SDS: variants seen among roughly 807,000 people sequenced by gnomAD.
SDS encodes L-serine dehydratase/L-threonine deaminase.
Under a neutral mutation model 29.3 loss-of-function variants are expected in SDS, and 19 were observed. The observed-to-expected ratio is 0.65, with a 90% CI of 0.45 to 0.95. The LOEUF (loss-of-function observed/expected upper bound fraction) is 0.95. Among genes scored for constraint, SDS ranks in the 40% least tolerant of loss-of-function variants. SDS has a pLI of 0.00. For synonymous variants in SDS, 176 were observed against 189.0 expected (o/e 0.93, Z 0.56); for missense variants, 375 against 439.9 (o/e 0.85, Z 1.32).
At chr12:113,394,422 C>T (rs1957633072) in intron 6 of SDS, among the ~76,000 whole-genome samples, 1 of 150,470 alleles carries the variant, frequency 6.6e-6, no homozygotes, top group Non-Finnish European at 1.5e-5. Context: ...TCACTGCAAT[C>T]TCTGCCTCCC....
chr12:113,394,770 T>G (rs915700324), intron 6 of SDS, among the ~76,000 whole-genome samples: 3 of 152,056 alleles, frequency 2.0e-5, no homozygotes, highest in Admixed American at 6.5e-5. Flanking sequence ...ACTCCCTGCT[T>G]TTGCTCCGGG....
At chr12:113,401,122 A>G (rs1226277375) in intron 1 of SDS, among the ~76,000 whole-genome samples, 1 of 152,130 alleles carries the variant, frequency 6.6e-6, no homozygotes, top group Non-Finnish European at 1.5e-5. Context: ...TCAAACAAAC[A>G]AACAAACAAA....
At chr12:113,397,007 G>A in intron 6 of SDS, 158 bp downstream of exon 6, 1 of 664,238 alleles carries the variant, frequency 1.5e-6, no homozygotes. Context: ...TTGAGTCCAA[G>A]CTGTACCACT....
intron 6 of SDS, among the ~76,000 whole-genome samples, 170 bp from the exon 7 acceptor site, chr12:113,394,186 C>T (rs1424311601): frequency 2.0e-5 from 3 of 152,128 alleles, no homozygotes; most frequent in Non-Finnish European, 4.4e-5. Flanking sequence ...CCTCAGGGAT[C>T]CCCAAACCAA....
chr12:113,399,254 G>A (rs117611959), intron 2 of SDS, 103 bp from the exon 3 acceptor site: 13,524 of 1,250,682 alleles, frequency 0.011, 101 homozygotes, highest in Non-Finnish European at 0.012. Flanking sequence ...GGACACGGAC[G>A]TTTCCTTCAC....
In SDS at chr12:113,392,936, C is replaced by G; in HGVS notation, c.*5G>C. On this transcript the variant is annotated 3_prime_UTR_variant, in exon 8 of 8. Coordinates refer to ENST00000257549, the MANE Select transcript of SDS (RefSeq NM_006843.3). The stretch of plus-strand genomic sequence containing the variant: ...GGAGAGCACAGATCGGTAAGGGGTC[C>G]GTCCTCACTTGGGCAACCTATTTGT... 1 of 1,613,532 alleles carries G rather than the reference C, an allele frequency of 6.2e-7. No individual in the cohort carries two copies. Among genetic ancestry groups the G allele is most frequent in the African/African-American group, 1.3e-5 (1 of 75,036 alleles).
At chr12:113,399,411 A>G (rs548162113) in intron 2 of SDS, 145 bp downstream of exon 2, 1 of 1,041,304 alleles carries the variant, frequency 9.6e-7, no homozygotes, top group African/African-American at 1.6e-5. Context: ...AAACAGAGGA[A>G]GCCCTAATGG....
chr12:113,396,800 A>C (rs923673353), intron 6 of SDS: 10 of 278,326 alleles, frequency 3.6e-5, no homozygotes, highest in African/African-American at 2.1e-4. Flanking sequence ...TAATTTAAAA[A>C]AAAAACAAAA....
chr12:113,393,166 G>C lies in SDS; in HGVS notation c.779-17C>G. 6.2e-7 allele frequency: 1 copy of C among 1,611,954 alleles called. No individual in the cohort carries two copies. Among genetic ancestry groups the C allele is most frequent in the South Asian group, 1.1e-5 (1 of 91,006 alleles). ...TCTCATCATCTGCCAGAGAAGGGGCGTGACAGGGGCGTGGCCTGAGTTTCC... is the reference window on the plus strand; with the variant it reads ...TCTCATCATCTGCCAGAGAAGGGGCCTGACAGGGGCGTGGCCTGAGTTTCC... On this transcript the variant is annotated splice_polypyrimidine_tract_variant and intron_variant, in intron 7 of 7. Coordinates refer to ENST00000257549, the MANE Select transcript of SDS (RefSeq NM_006843.3).
Position 113,397,353 on chromosome 12 carries a change from T to A in SDS, c.465A>T (p.Thr155=). The change falls in exon 6 of 8, where the codon ACA becomes ACT. Residue 155 remains threonine, a synonymous_variant. Transcript: ENST00000257549. The stretch of plus-strand genomic sequence containing the variant: ...CGATGGCCCCCGGCTTTTCCCACAG[T>A]GTCTCCTTCAGCTCTTTCACGATGG... ...HASIVKELKE[T]LWEKPGAIAL... 6.2e-7 allele frequency: 1 copy of A among 1,613,254 alleles called. No individual in the cohort carries two copies. The highest frequency in any genetic ancestry group is 1.1e-5 in the South Asian group (1 of 91,040).
intron 6 of SDS, among the ~76,000 whole-genome samples, chr12:113,395,081 G>A (rs1003982097): frequency 2.0e-5 from 3 of 152,236 alleles, no homozygotes; most frequent in African/African-American, 7.2e-5. Flanking sequence ...CTGAGGCAGA[G>A]AGTGTACAGT....
rs1362311956 is a variant in SDS, at chr12:113,394,891, TC to T, written c.654-876del. ...TAAGGCCACCTCCTCCAAGGAGTCC[TC>T]CTGGGAGAGTACTGAGTCCCACGGC... On this transcript the variant is annotated intron_variant, in intron 6 of 7. Coordinates refer to ENST00000257549, the MANE Select transcript of SDS (RefSeq NM_006843.3). Among the ~76,000 whole-genome samples the T allele has an allele frequency of 2.6e-5, 4 of 152,178 alleles. No homozygotes were observed. In the South Asian group the frequency reaches 6.2e-4, roughly 24 times the overall value.
At chr12:113,394,104 G>C (rs940833693) in intron 6 of SDS, 88 bp from the exon 7 acceptor site, 81 of 1,330,924 alleles carry the variant, frequency 6.1e-5, no homozygotes, top group Non-Finnish European at 8.3e-5. Flanking sequence ...AGATGGATGT[G>C]AGACAGAGAA....
rs1405066766 is a variant in SDS at position 113,399,168 on chromosome 12, A to T, written c.154-17T>A. On this transcript the variant is annotated splice_polypyrimidine_tract_variant and intron_variant, in intron 2 of 7. Coordinates refer to ENST00000257549, the MANE Select transcript of SDS (RefSeq NM_006843.3). The stretch of plus-strand genomic sequence containing the variant: ...CTTGGCCCACTGTGGAGACAACAGG[A>T]GAGGCACTCAGGCCCACCTCCCAGT... The T allele has an allele frequency of 6.2e-7, 1 of 1,613,372 alleles. No individual in the cohort carries two copies. The highest frequency in any genetic ancestry group is 8.5e-7 in the Non-Finnish European group (1 of 1,179,720).
chr12:113,402,429 A>C (rs1957689547), intron 1 of SDS, among the ~76,000 whole-genome samples: 1 of 152,154 alleles, frequency 6.6e-6, no homozygotes, highest in African/African-American at 2.4e-5. Context: ...AGTAGCTGGG[A>C]TCACAGACGT....
chr12:113,403,732 C>T (rs1464718460), intron 1 of SDS, 36 bp downstream of exon 1: 1 of 152,330 alleles, frequency 6.6e-6, no homozygotes, highest in African/African-American at 2.4e-5. Context: ...CGGGACACTC[C>T]AGTCCTGAGG....
In SDS at chr12:113,392,829, G is replaced by T; in HGVS notation, c.*112C>A. 2.0e-6 allele frequency: 2 copies of T among 1,023,178 alleles called. No homozygotes were observed. Among genetic ancestry groups the T allele is most frequent in the Non-Finnish European group, 3.0e-6 (2 of 671,188 alleles). The allele number at this position is 1,023,178 out of a possible 1,614,324, so 63.4% of individuals were successfully genotyped here. ...GCTCCTGATAACAAGAAGTTAACCT[G>T]CACCCAGGCCACAGGTGCTCAGCCA... is the stretch of plus-strand genomic sequence containing the variant. On this transcript the variant is annotated 3_prime_UTR_variant, in exon 8 of 8. Coordinates refer to ENST00000257549, the MANE Select transcript of SDS (RefSeq NM_006843.3).
chr12:113,401,374 T>TATTC (rs200709963), intron 1 of SDS, among the ~76,000 whole-genome samples: 8,317 of 150,308 alleles, frequency 0.055, 374 homozygotes, highest in Admixed American at 0.15. Flanking sequence ...TTTTAAATTT[T>TATTC]ATTCATTCAT....
chr12:113,402,414 T>G (rs1268481542), intron 1 of SDS, among the ~76,000 whole-genome samples: 1 of 152,134 alleles, frequency 6.6e-6, no homozygotes, highest in Non-Finnish European at 1.5e-5. Flanking sequence ...TGCCTCAGCC[T>G]CCCAAGTAGC....
Sources: gnomAD v4.1 joint callset for allele counts (sites outside exome capture counted in the v4.1 genomes callset) on GRCh38, gnomAD v4.1.1 for gene constraint, MANE v1.5 for transcripts, NCBI Gene and HGNC (gene_info 2026-07-23, HGNC 2026-07-21) for gene names.